Variants in EDIL3 observed in about 807,000 individuals in gnomAD.
EDIL3 encodes EGF like and discoidin domains 3.
EDIL3 carries 37 observed loss-of-function variants against 67.4 expected under a neutral mutation model. The ratio of observed to expected loss-of-function variants is 0.55; its 90% confidence interval spans 0.42 to 0.72. The LOEUF (loss-of-function observed/expected upper bound fraction) is 0.72. Ranked by LOEUF, EDIL3 falls within the 30% of genes least tolerant of loss-of-function variation. EDIL3 has a pLI of 0.00. For synonymous variants in EDIL3, 195 were observed against 196.3 expected (o/e 0.99, Z 0.05); for missense variants, 527 against 586.3 (o/e 0.90, Z 1.04).
intron 1 of EDIL3, among the ~76,000 whole-genome samples, chr5:84,266,212 A>G (rs544439995): frequency 2.3e-4 from 35 of 152,290 alleles, no homozygotes; most frequent in Non-Finnish European, 4.0e-4. Flanking sequence ...CTATTCTATC[A>G]ATAGCCTCAC....
chr5:84,179,849 A>T lies in EDIL3; in HGVS notation c.355+544T>A, dbSNP rs567060186. 2.0e-5 allele frequency among the ~76,000 whole-genome samples: 3 copies of T among 152,252 alleles called. No homozygotes were observed. The South Asian group carries it at 6.2e-4, about 32-fold the overall frequency. ...CTAAGAAGAAATCATCACTAGTGGG[A>T]TCTACTTTCTTTAACCTTCCAAGAT... On this transcript the variant is annotated intron_variant, in intron 4 of 10. Transcript: ENST00000296591.
intron 1 of EDIL3, among the ~76,000 whole-genome samples, chr5:84,275,607 G>C (rs749644618): frequency 1.3e-5 from 2 of 152,100 alleles, no homozygotes; most frequent in African/African-American, 4.8e-5. Flanking sequence ...TTTAGTGTGG[G>C]ATATCTGTGC....
chr5:84,083,976 G>C (rs1747024110), intron 6 of EDIL3, among the ~76,000 whole-genome samples: 1 of 151,984 alleles, frequency 6.6e-6, no homozygotes, highest in African/African-American at 2.4e-5. Context: ...GTACAAGTAG[G>C]GGAAGAAGAT....
intron 1 of EDIL3, among the ~76,000 whole-genome samples, chr5:84,267,846 T>C (rs1245013333): frequency 1.3e-5 from 2 of 152,202 alleles, no homozygotes; most frequent in African/African-American, 4.8e-5. Flanking sequence ...CAGTAATAAT[T>C]TGGCCAAAGG....
chr5:84,052,284 T>G (rs1170052149), intron 9 of EDIL3, among the ~76,000 whole-genome samples: 3 of 152,196 alleles, frequency 2.0e-5, no homozygotes, highest in African/African-American at 4.8e-5. Context: ...CCATCAGGCC[T>G]GCCTTACAAG....
At chr5:84,120,097 A>G (rs1311520779) in intron 5 of EDIL3, among the ~76,000 whole-genome samples, 1 of 152,068 alleles carries the variant, frequency 6.6e-6, no homozygotes. Flanking sequence ...ATGAAGTGTC[A>G]CATAAAGAAA....
chr5:84,201,654 T>A (rs1743840569), intron 3 of EDIL3, among the ~76,000 whole-genome samples: 1 of 152,126 alleles, frequency 6.6e-6, no homozygotes, highest in Non-Finnish European at 1.5e-5. Flanking sequence ...TCTTTTGAAT[T>A]ATTGCAACTC....
Position 83,987,869 on chromosome 5 carries a change from G to GTATATATATA in EDIL3, c.1138-24519_1138-24510dup, listed in dbSNP as rs34360330. Among the ~76,000 whole-genome samples, 471 of 138,398 alleles carry GTATATATATA rather than the reference G, an allele frequency of 3.4e-3. 4 individuals carry two copies. Among genetic ancestry groups the GTATATATATA allele is most frequent in the African/African-American group, 0.012 (405 of 34,468 alleles). 90.8% of individuals were successfully genotyped at this position (138,398 alleles called of 152,430 possible). A position where few individuals can be genotyped will look rare whatever the true frequency, so the allele number is the denominator to read the frequency against. On this transcript the variant is annotated intron_variant, in intron 9 of 10. Coordinates refer to ENST00000296591, the MANE Select transcript of EDIL3 (RefSeq NM_005711.5). ...CAGCTGATAGGGTGTGTGTGTGTATGTATATATATATATATATATATATAG... is the reference window on the plus strand; with the variant it reads ...CAGCTGATAGGGTGTGTGTGTGTATGTATATATATATATATATATATATATATATATATAG...
At chr5:84,212,254 A>G (rs535151806) in intron 3 of EDIL3, among the ~76,000 whole-genome samples, 2 of 152,168 alleles carry the variant, frequency 1.3e-5, no homozygotes, top group Non-Finnish European at 2.9e-5. Flanking sequence ...AAATCCCATA[A>G]CAAGTGTCCT....
At chr5:84,376,540 T>C (rs1747972788) in intron 1 of EDIL3, among the ~76,000 whole-genome samples, 2 of 152,326 alleles carry the variant, frequency 1.3e-5, no homozygotes, top group East Asian at 1.9e-4. Flanking sequence ...TTATCAACAG[T>C]GCTCTTGCAG....
intron 9 of EDIL3, among the ~76,000 whole-genome samples, chr5:84,024,781 T>G (rs1745782206): frequency 1.4e-5 from 2 of 145,826 alleles, no homozygotes; most frequent in African/African-American, 4.9e-5. Context: ...ATTAGCACCC[T>G]TAAGAACACA....
intron 1 of EDIL3, among the ~76,000 whole-genome samples, chr5:84,347,460 C>T (rs754608412): frequency 5.9e-5 from 9 of 152,192 alleles, no homozygotes; most frequent in Non-Finnish European, 1.2e-4. Flanking sequence ...ATCATTATTA[C>T]AGTAACTAAA....
intron 5 of EDIL3, among the ~76,000 whole-genome samples, chr5:84,129,210 A>G (rs1442410446): frequency 6.6e-6 from 1 of 152,142 alleles, no homozygotes; most frequent in Non-Finnish European, 1.5e-5. Flanking sequence ...TTATTGAGTC[A>G]ATTTTTTGTG....
At chr5:84,075,542 C>T (rs558349676) in intron 6 of EDIL3, among the ~76,000 whole-genome samples, 1 of 152,086 alleles carries the variant, frequency 6.6e-6, no homozygotes, top group African/African-American at 2.4e-5. Flanking sequence ...ATGGTGCAAT[C>T]TCAGCTCACT....
At chr5:84,048,258 T>G (rs1434619018) in intron 9 of EDIL3, 4 of 444,884 alleles carry the variant, frequency 9.0e-6, no homozygotes, top group South Asian at 6.4e-5. Context: ...TTTGAAAACC[T>G]TTCCTTTAGT....
In EDIL3 at chr5:84,157,927, A is replaced by G. The variant is rs577915045; in HGVS notation, c.356-20573T>C. On this transcript the variant is annotated intron_variant, in intron 4 of 10. Coordinates refer to ENST00000296591, the MANE Select transcript of EDIL3 (RefSeq NM_005711.5). ...TTAGAATACTGCCTATTTGGGTGCC[A>G]ATCGAAGGAGATTTTTCTGAAATTT... Among the ~76,000 whole-genome samples the G allele has an allele frequency of 1.8e-4, 27 of 152,232 alleles. No homozygotes were observed. In the South Asian group the frequency reaches 5.6e-3, roughly 32 times the overall value.
In EDIL3 at chr5:83,943,349, T is replaced by C; in HGVS notation, c.*70A>G. 1.3e-6 allele frequency: 2 copies of C among 1,595,138 alleles called. No individual in the cohort carries two copies. The highest frequency in any genetic ancestry group is 1.7e-6 in the Non-Finnish European group (2 of 1,170,106). ...AAAAACCATTCAGTTTCCTACAGAT[T>C]TTGCACAGTTCATTCCATGGAGATA... is the stretch of plus-strand genomic sequence containing the variant. On this transcript the variant is annotated 3_prime_UTR_variant, in exon 11 of 11. Transcript: ENST00000296591.
intron 4 of EDIL3, among the ~76,000 whole-genome samples, chr5:84,148,972 CA>C (rs60662947): frequency 0.42 from 36,303 of 87,004 alleles, 5,366 homozygotes; most frequent in Middle Eastern, 0.55. Context: ...ACAAAAACGA[CA>C]AAAAAAAAAA....
intron 6 of EDIL3, among the ~76,000 whole-genome samples, chr5:84,102,637 GA>G (rs1173183226): frequency 6.7e-6 from 1 of 150,170 alleles, no homozygotes; most frequent in Non-Finnish European, 1.5e-5. Flanking sequence ...AAAAAAAAAC[GA>G]AAAAACCCTC....
Sources: gnomAD v4.1 joint callset for allele counts (sites outside exome capture counted in the v4.1 genomes callset) on GRCh38, gnomAD v4.1.1 for gene constraint, MANE v1.5 for transcripts, NCBI Gene and HGNC (gene_info 2026-07-23, HGNC 2026-07-21) for gene names.